Variants in PTPRS observed in about 807,000 individuals in gnomAD.
PTPRS encodes the protein protein tyrosine phosphatase receptor type S.
Under a neutral mutation model 215.3 loss-of-function variants are expected in PTPRS, and 63 were observed. The ratio of observed to expected loss-of-function variants is 0.29; its 90% CI spans 0.24 to 0.36. PTPRS has a LOEUF of 0.36. Among genes scored for constraint, PTPRS ranks in the 10% least tolerant of loss-of-function variants. PTPRS has a pLI of 1.00. For missense variants in PTPRS, 2,258 were observed against 2,825.8 expected (o/e 0.80, Z 4.56); for synonymous variants, 1,404 against 1,191.4 (o/e 1.18, Z -3.68).
chr19:5,247,354 G>A (rs1376479464), intron 9 of PTPRS, among the ~76,000 whole-genome samples: 1 of 152,092 alleles, frequency 6.6e-6, no homozygotes, highest in Non-Finnish European at 1.5e-5. Context: ...CGGGGGCTCC[G>A]TTTTCGGAAG....
rs764563388 is a variant in PTPRS, at chr19:5,258,066, G to A, written c.657C>T (p.Thr219=). ...TDQGKYECVA[T]NSAGVRYSSP... is the part of the protein sequence containing the mutation. ...AGGAGTAGCGCACGCCGGCGCTGTT[G>A]GTGGCCACACACTCATATTTGCCCT... is the stretch of plus-strand genomic sequence containing the variant. Residue 219 remains threonine, a synonymous_variant, in exon 8 of 38, where the codon ACC becomes ACT. Transcript: ENST00000262963. The A allele has an allele frequency of 5.6e-6, 9 of 1,614,168 alleles. No individual in the cohort carries two copies. The South Asian group carries it at 9.9e-5, about 18-fold the overall frequency.
At chr19:5,264,167 C>CTCTCGTCTTTGTCCCATGATGT (rs71170902) in intron 5 of PTPRS, among the ~76,000 whole-genome samples, 8 of 151,862 alleles carry the variant, frequency 5.3e-5, no homozygotes, top group Admixed American at 3.3e-4. Flanking sequence ...CCGCCATCAC[C>CTCTCGTCTTTGTCCCATGATGT]TCTTACTGCT....
chr19:5,279,333 G>GTTATTT (rs139410332), intron 2 of PTPRS, among the ~76,000 whole-genome samples: 25,980 of 150,810 alleles, frequency 0.17, 2,646 homozygotes, highest in Non-Finnish European at 0.23. Context: ...AATTGAAGAA[G>GTTATTT]TTATTTTTAT....
intron 1 of PTPRS, among the ~76,000 whole-genome samples, chr19:5,320,686 A>G (rs11878478): frequency 0.35 from 52,657 of 151,846 alleles, 10,460 homozygotes; most frequent in African/African-American, 0.54. Flanking sequence ...TCAGCCTCCC[A>G]AAGTGCTGGG....
intron 17 of PTPRS, among the ~76,000 whole-genome samples, chr19:5,224,758 G>A (rs2042323387): frequency 6.6e-6 from 1 of 152,202 alleles, no homozygotes; most frequent in African/African-American, 2.4e-5. Flanking sequence ...GAGATCACAG[G>A]AGGCTGCTTG....
intron 17 of PTPRS, 136 bp downstream of exon 17, chr19:5,225,591 C>T (rs2042411847): frequency 5.1e-6 from 4 of 785,884 alleles, no homozygotes; most frequent in East Asian, 2.5e-5. Flanking sequence ...GCAGCCCTCA[C>T]ACCTTTGTCT....
chr19:5,337,289 G>A (rs977999673), intron 1 of PTPRS, among the ~76,000 whole-genome samples: 2 of 152,096 alleles, frequency 1.3e-5, no homozygotes, highest in African/African-American at 4.8e-5. Flanking sequence ...CTCTCTCCAC[G>A]CCCCGCTTCT....
intron 19 of PTPRS, among the ~76,000 whole-genome samples, chr19:5,221,707 A>C (rs2041994136): frequency 6.6e-6 from 1 of 151,946 alleles, no homozygotes; most frequent in South Asian, 2.1e-4. Context: ...CAGACTTGGC[A>C]CCAACTCCAG....
intron 12 of PTPRS, 66 bp from the exon 13 acceptor site, chr19:5,239,129 GGAGA>G: frequency 4.3e-6 from 5 of 1,174,622 alleles, no homozygotes; most frequent in Non-Finnish European, 4.8e-6. Context: ...GAAACAAAGG[GGAGA>G]GAGAGAGAGA....
chr19:5,283,984 G>A (rs906931097), intron 2 of PTPRS, among the ~76,000 whole-genome samples: 3 of 152,078 alleles, frequency 2.0e-5, no homozygotes, highest in Non-Finnish European at 4.4e-5. Context: ...GGAGGCTGAG[G>A]TGGGAGGATT....
chr19:5,219,803 C>T (rs1050693532), intron 22 of PTPRS, 136 bp downstream of exon 22: 3 of 1,061,280 alleles, frequency 2.8e-6, no homozygotes, highest in African/African-American at 1.6e-5. Flanking sequence ...CCCTCCGCTC[C>T]CAAGTCTTCC....
chr19:5,240,840 AAAATAAAT>A (rs572535042), intron 11 of PTPRS, among the ~76,000 whole-genome samples: 2 of 150,682 alleles, frequency 1.3e-5, no homozygotes, highest in Admixed American at 6.6e-5. Flanking sequence ...CTCTGTCTCA[AAAATAAAT>A]AAATAAATAA....
intron 14 of PTPRS, among the ~76,000 whole-genome samples, chr19:5,230,627 T>C (rs1211180785): frequency 6.6e-6 from 1 of 152,136 alleles, no homozygotes; most frequent in African/African-American, 2.4e-5. Context: ...TTGGCTATGT[T>C]TTAAAAATGT....
At chr19:5,273,623 G>C (rs966140916) in intron 3 of PTPRS, 40 bp from the exon 4 acceptor site, 2 of 1,612,118 alleles carry the variant, frequency 1.2e-6, no homozygotes, top group African/African-American at 2.7e-5. Flanking sequence ...GTGAGGCTGG[G>C]GTCCCAGGAA....
intron 12 of PTPRS, 36 bp from the exon 13 acceptor site, chr19:5,239,099 G>C (rs578114192): frequency 6.4e-7 from 1 of 1,553,840 alleles, no homozygotes; most frequent in East Asian, 2.3e-5. Flanking sequence ...AGAGGGATGG[G>C]GGAGAGAGAG....
At chr19:5,268,479 C>T (rs1047248704) in intron 4 of PTPRS, among the ~76,000 whole-genome samples, 40 of 151,678 alleles carry the variant, frequency 2.6e-4, no homozygotes, top group African/African-American at 9.2e-4. Context: ...CAGGAGGCCA[C>T]CATCTTGGGA....
Position 5,245,867 on chromosome 19 carries a change from T to C in PTPRS, c.897A>G (p.Glu299=), listed in dbSNP as rs752595733. ...DDMPVGRNVL[E]LTDVKDSANY... ...TGGCCGAGTCCTTGACATCTGTGAG[T>C]TCCAGCACGTTCCGACCCACGGGCA... Residue 299 remains glutamate, a synonymous_variant, in exon 10 of 38, where the codon GAA becomes GAG. Transcript: ENST00000262963. 6.2e-7 allele frequency: 1 copy of C among 1,613,864 alleles called. No individual in the cohort carries two copies. Among genetic ancestry groups the C allele is most frequent in the Non-Finnish European group, 8.5e-7 (1 of 1,179,944 alleles).
chr19:5,233,777 C>G (rs988321644), intron 13 of PTPRS, among the ~76,000 whole-genome samples: 3 of 151,170 alleles, frequency 2.0e-5, no homozygotes, highest in African/African-American at 7.3e-5. Flanking sequence ...AACTCCGTCT[C>G]TACTACAAGA....
chr19:5,240,116 A>G, intron 12 of PTPRS, 83 bp downstream of exon 12: 1 of 1,379,298 alleles, frequency 7.3e-7, no homozygotes, highest in Admixed American at 2.9e-5. Flanking sequence ...AGGGACAAAG[A>G]GGGGGAAGAG....
Sources: gnomAD v4.1 joint callset for allele counts (sites outside exome capture counted in the v4.1 genomes callset) on GRCh38, gnomAD v4.1.1 for gene constraint, MANE v1.5 for transcripts, NCBI Gene and HGNC (gene_info 2026-07-23, HGNC 2026-07-21) for gene names.